The following ABCB1 variants were observed in gnomAD, a reference collection of about 807,000 sequenced individuals.
The protein encoded by ABCB1 is ATP-dependent translocase ABCB1.
A neutral mutation model predicts 142.0 loss-of-function variants in ABCB1; 69 were observed. The ratio of observed to expected loss-of-function variants is 0.49; its 90% CI spans 0.40 to 0.59. ABCB1 has a LOEUF of 0.59. Among genes scored for constraint, ABCB1 ranks in the 20% least tolerant of loss-of-function variants. ABCB1 has a pLI of 0.00. For missense variants in ABCB1, 1,326 were observed against 1,554.7 expected (o/e 0.85, Z 2.47); for synonymous variants, 532 against 539.2 (o/e 0.99, Z 0.18).
chr7:87,631,223 C>G (rs937080267), intron 1 of ABCB1, among the ~76,000 whole-genome samples: 5 of 152,162 alleles, frequency 3.3e-5, no homozygotes, highest in Non-Finnish European at 7.3e-5. Flanking sequence ...ATGACTTTTA[C>G]TTTTTGGAAG....
rs1817984550 is a variant in ABCB1 at position 87,570,201 on chromosome 7, G to T, written c.309C>A (p.Phe103Leu). 2 of 1,613,034 alleles carry T rather than the reference G, an allele frequency of 1.2e-6. No individual in the cohort carries two copies. The highest frequency in any genetic ancestry group is 2.7e-5 in the African/African-American group (2 of 74,998). ...TCATGTCTTCCTCCAGATTCATGAA[G>T]AACCCTGTATCATTGATATCACCTA... ...TNRSDINDTG[F>L]FMNLEEDMTR... The change falls in exon 5 of 28, where the codon TTC becomes TTA. Residue 103 changes from phenylalanine to leucine, a missense_variant. By Grantham distance (22) the Phe-to-Leu change is conservative. Transcript: ENST00000622132.
chr7:87,702,071 A>T (rs997310953), intron 1 of ABCB1, among the ~76,000 whole-genome samples: 2 of 130,280 alleles, frequency 1.5e-5, no homozygotes, highest in African/African-American at 5.8e-5. Flanking sequence ...TGAACCCAGG[A>T]GGCGGAGCTT....
rs1816415769 is a variant in ABCB1, at chr7:87,539,131, A to G, written c.2397+137T>C. Reference sequence around the variant, plus strand: ...TGTGCCTAGTGGGCGGTTCAACCGCATCTCTGACGTGAGACTGAGGGACAA... The same window carrying G: ...TGTGCCTAGTGGGCGGTTCAACCGCGTCTCTGACGTGAGACTGAGGGACAA... On this transcript the variant is annotated intron_variant, in intron 19 of 27. Transcript: ENST00000622132. 4 of 927,338 alleles carry G rather than the reference A, an allele frequency of 4.3e-6. No homozygotes were observed. The South Asian group carries it at 5.6e-5, about 13-fold the overall frequency. The allele number at this position is 927,338 out of a possible 1,614,324, so 57.4% of individuals were successfully genotyped here. A position where few individuals can be genotyped will look rare whatever the true frequency, so the allele number is the denominator to read the frequency against.
intron 1 of ABCB1, among the ~76,000 whole-genome samples, chr7:87,665,025 C>T (rs562617893): frequency 6.6e-6 from 1 of 152,250 alleles, no homozygotes; most frequent in East Asian, 1.9e-4. Flanking sequence ...TGAAAGCTCT[C>T]TAAGATCAAG....
At chr7:87,687,874 C>T (rs571868960) in intron 1 of ABCB1, among the ~76,000 whole-genome samples, 5 of 152,278 alleles carry the variant, frequency 3.3e-5, no homozygotes, top group African/African-American at 1.2e-4. Flanking sequence ...AGTGTAAACA[C>T]TGTTAGAAAC....
chr7:87,642,036 T>C (rs995020648), intron 1 of ABCB1, among the ~76,000 whole-genome samples: 4 of 151,962 alleles, frequency 2.6e-5, no homozygotes, highest in Non-Finnish European at 4.4e-5. Flanking sequence ...GTGGACGATA[T>C]GCTTTTTGCA....
intron 8 of ABCB1, among the ~76,000 whole-genome samples, chr7:87,560,250 G>A (rs1001710902): frequency 3.9e-5 from 6 of 152,072 alleles, no homozygotes; most frequent in South Asian, 2.1e-4. Flanking sequence ...AAATCAAAAT[G>A]GAACATAGAT....
upstream of ABCB1, among the ~76,000 whole-genome samples, chr7:87,604,032 A>G (rs955690269): frequency 6.6e-5 from 10 of 152,198 alleles, no homozygotes; most frequent in Admixed American, 1.3e-4. Context: ...ATGTAGTCAC[A>G]TCTATGTATC....
intron 1 of ABCB1, among the ~76,000 whole-genome samples, chr7:87,628,155 C>A (rs1820789109): frequency 6.6e-6 from 1 of 152,178 alleles, no homozygotes; most frequent in Admixed American, 6.5e-5. Context: ...CGCTGTGGGG[C>A]CCCGCATCCC....
At chr7:87,520,187 T>A (rs1815433065) in intron 22 of ABCB1, among the ~76,000 whole-genome samples, 1 of 151,146 alleles carries the variant, frequency 6.6e-6, no homozygotes, top group East Asian at 1.9e-4. Flanking sequence ...TTTCAAATAA[T>A]TTTTTTTTAG....
At chr7:87,511,751 A>G (rs1223058578) in intron 25 of ABCB1, among the ~76,000 whole-genome samples, 2 of 152,210 alleles carry the variant, frequency 1.3e-5, no homozygotes, top group Non-Finnish European at 2.9e-5. Flanking sequence ...TCACAACTGA[A>G]AGATATTTTG....
At position 87,673,471 on chromosome 7, in the gene ABCB1, G is replaced by A. The variant is rs1375417108; in HGVS notation, c.-331+39690C>T. Among the ~76,000 whole-genome samples the A allele has an allele frequency of 6.6e-5, 10 of 152,002 alleles. No homozygotes were observed. In the East Asian group the frequency reaches 1.9e-3, roughly 29 times the overall value. ...GCTAATTTCAAGAACCAGTCTTCAA[G>A]CATTGAGATTCTTTCCTCAGTTTGG... On this transcript the variant is annotated intron_variant, in intron 1 of 28. Coordinates refer to the ABCB1 transcript ENST00000265724.
chr7:87,578,189 A>G (rs555746107), intron 4 of ABCB1, among the ~76,000 whole-genome samples: 2 of 152,298 alleles, frequency 1.3e-5, no homozygotes, highest in South Asian at 4.1e-4. Context: ...CTTTTCCCCA[A>G]TATACATTCT....
chr7:87,578,939 T>A (rs1211151), intron 4 of ABCB1, among the ~76,000 whole-genome samples: 44 of 151,852 alleles, frequency 2.9e-4, no homozygotes, highest in African/African-American at 1.0e-3. Flanking sequence ...GTGATCCACC[T>A]GCCTCGGCCT....
intron 13 of ABCB1, 89 bp downstream of exon 13, chr7:87,549,762 G>T: frequency 6.7e-7 from 1 of 1,483,574 alleles, no homozygotes; most frequent in Non-Finnish European, 9.4e-7. Context: ...CCCTTCTTCC[G>T]ATTTATAGTA....
intron 7 of ABCB1, chr7:87,565,327 A>T: frequency 7.0e-6 from 2 of 286,324 alleles, no homozygotes; most frequent in Non-Finnish European, 1.4e-5. Context: ...TACTGGGCCA[A>T]TTTCTCTACT....
intron 1 of ABCB1, among the ~76,000 whole-genome samples, chr7:87,698,302 G>A (rs565368763): frequency 6.6e-6 from 1 of 152,146 alleles, no homozygotes; most frequent in East Asian, 1.9e-4. Flanking sequence ...GGGTTTCACC[G>A]TGTTAGCCAG....
At position 87,558,180 on chromosome 7, in the gene ABCB1, C is replaced by T. The variant is rs145909718; in HGVS notation, c.827+3083G>A. On this transcript the variant is annotated intron_variant, in intron 8 of 27. Transcript: ENST00000622132. ...TAAGGTGGTCTCAGGTTAGCAGTGC[C>T]CTTGGTGAATAGCAGAAGCAAACAT... is the stretch of plus-strand genomic sequence containing the variant. Among the ~76,000 whole-genome samples the T allele has an allele frequency of 3.7e-3, 565 of 152,252 alleles. 14 individuals carry two copies. Among genetic ancestry groups the T allele is most frequent in the Admixed American group, 0.033 (499 of 15,292 alleles).
At position 87,585,633 on chromosome 7, in the gene ABCB1, A is replaced by T. The variant is rs1818717252; in HGVS notation, c.165T>A (p.Thr55=). The change falls in exon 4 of 28, where the codon ACT becomes ACA. Residue 55 remains threonine (T), a synonymous_variant. Transcript: ENST00000622132. ...WLDKLYMVVG[T]LAAIIHGAGL... ...CAGCCCCATGGATGATGGCAGCCAA[A>T]GTTCCCACCACCATATACAACTTGT... is the stretch of plus-strand genomic sequence containing the variant. 6.2e-7 allele frequency: 1 copy of T among 1,613,930 alleles called. No homozygotes were observed. The highest frequency in any genetic ancestry group is 8.5e-7 in the Non-Finnish European group (1 of 1,179,938).
Sources: gnomAD v4.1 joint callset for allele counts (sites outside exome capture counted in the v4.1 genomes callset) on GRCh38, gnomAD v4.1.1 for gene constraint, MANE v1.5 for transcripts, NCBI Gene and HGNC (gene_info 2026-07-23, HGNC 2026-07-21) for gene names.